Variants in SH3BP2 observed in about 807,000 individuals in gnomAD.
SH3BP2 encodes SH3 domain-binding protein 2.
Under a neutral mutation model 56.2 loss-of-function variants are expected in SH3BP2, and 38 were observed. The ratio of observed to expected loss-of-function variants is 0.68; its 90% CI spans 0.52 to 0.89. The LOEUF is 0.89. SH3BP2 is among the 40% of genes least tolerant of loss of function. SH3BP2 has a pLI of 0.00. For synonymous variants in SH3BP2, 346 were observed against 316.7 expected (o/e 1.09, Z -0.98); for missense variants, 748 against 762.6 (o/e 0.98, Z 0.23).
chr4:2,824,937 C>T, intron 4 of SH3BP2, 189 bp from the exon 5 acceptor site: 1 of 681,880 alleles, frequency 1.5e-6, no homozygotes, highest in Non-Finnish European at 2.6e-6. Flanking sequence ...AGCGCCCACA[C>T]AAGGAACATG....
chr4:2,822,605 G>A (rs1724368354), intron 2 of SH3BP2, among the ~76,000 whole-genome samples: 1 of 152,240 alleles, frequency 6.6e-6, no homozygotes, highest in South Asian at 2.1e-4. Context: ...CAAGTCAGCT[G>A]TGGCCTCCCT....
rs1484027719 is a variant in SH3BP2, at chr4:2,824,678, G to T, written c.305G>T (p.Ser102Ile). 6.2e-7 allele frequency: 1 copy of T among 1,613,874 alleles called. No individual in the cohort carries two copies. The highest frequency in any genetic ancestry group is 1.3e-5 in the African/African-American group (1 of 74,926). ...TTCCCCTTCAAGATCATCCATATCAGCAAGAAGCACCGCACGTGGTTCTTC... is the reference window on the plus strand; with the variant it reads ...TTCCCCTTCAAGATCATCCATATCATCAAGAAGCACCGCACGTGGTTCTTC... ...NVFPFKIIHI[S>I]KKHRTWFFSA... The change falls in exon 4 of 13, where the codon AGC becomes ATC. Residue 102 changes from serine to isoleucine, a missense_variant. Around this residue, in one of 3 missense-constraint regions of SH3BP2, gnomAD observed 9 missense variants for 24.4 expected, o/e 0.37. Transcript: ENST00000503393.
chr4:2,829,342 G>C lies in SH3BP2; in HGVS notation c.587-151G>C. On this transcript the variant is annotated intron_variant, in intron 7 of 12. Coordinates refer to ENST00000503393, the MANE Select transcript of SH3BP2 (RefSeq NM_001122681.2). The surrounding 1 kb of genome is among the most constrained non-coding windows in gnomAD (Gnocchi z 4.9). Reference sequence around the variant, plus strand: ...TGGGACCCTGGGGAAGGCAGGATGGGAGTGCTGGGTGCTGGGCTGCTGGGT... The same window carrying C: ...TGGGACCCTGGGGAAGGCAGGATGGCAGTGCTGGGTGCTGGGCTGCTGGGT... 1.3e-6 allele frequency: 1 copy of C among 746,276 alleles called. No individual in the cohort carries two copies. Among genetic ancestry groups the C allele is most frequent in the Non-Finnish European group, 2.3e-6 (1 of 433,856 alleles). 46.2% of individuals were successfully genotyped at this position (746,276 alleles called of 1,614,324 possible).
intron 5 of SH3BP2, chr4:2,826,187 C>A (rs76443851): frequency 0.013 from 2,072 of 156,212 alleles, 54 homozygotes; most frequent in African/African-American, 0.048. Flanking sequence ...GGCACCACAG[C>A]CTCCAGTTCT....
At chr4:2,818,430 G>T in intron 1 of SH3BP2, 1 of 1,103,270 alleles carries the variant, frequency 9.1e-7, no homozygotes, top group Non-Finnish European at 1.1e-6. Context: ...CGGGACCCGG[G>T]CCGCGAGCTT....
In SH3BP2 at chr4:2,829,377, G is replaced by A. The variant is rs112527564; in HGVS notation, c.587-116G>A. 236 of 1,080,252 alleles carry A rather than the reference G, an allele frequency of 2.2e-4. No individual in the cohort carries two copies. The African/African-American group carries it at 3.1e-3, about 14-fold the overall frequency. 66.9% of individuals were successfully genotyped at this position (1,080,252 alleles called of 1,614,324 possible). A position where few individuals can be genotyped will look rare whatever the true frequency, so the allele number is the denominator to read the frequency against. ...TGCTGGGCTGCTGGGTGGGCAGGCT[G>A]TGGGGTGGGCCTACCATGGGTTGCA... On this transcript the variant is annotated intron_variant, in intron 7 of 12. Coordinates refer to ENST00000503393, the MANE Select transcript of SH3BP2 (RefSeq NM_001122681.2). This position sits in a 1 kb window ranked among gnomAD's most constrained non-coding sequence, Gnocchi z 4.9.
intron 4 of SH3BP2, 33 bp downstream of exon 4, chr4:2,824,763 A>G: frequency 6.6e-7 from 1 of 1,507,570 alleles, no homozygotes; most frequent in South Asian, 1.1e-5. Context: ...GTGCAAGGTG[A>G]CTGGGGGTGT....
At chr4:2,827,171 A>C in intron 5 of SH3BP2, 59 bp from the exon 6 acceptor site, 1 of 1,407,504 alleles carries the variant, frequency 7.1e-7, no homozygotes, top group East Asian at 2.3e-5. Context: ...TTGTGTGAGC[A>C]TCAAGGGACC....
At chr4:2,812,039 T>G (rs1420783196) in intron 1 of SH3BP2, 2 of 550,880 alleles carry the variant, frequency 3.6e-6, no homozygotes, top group East Asian at 1.1e-4. Context: ...GCAGGGAGCT[T>G]CCTCCCAGGG....
intron 1 of SH3BP2, chr4:2,796,308 C>T (rs765109326): frequency 6.6e-6 from 4 of 603,410 alleles, no homozygotes; most frequent in Non-Finnish European, 6.2e-6. Context: ...GACAGGAGTT[C>T]GAGGTGGTGC....
intron 1 of SH3BP2, chr4:2,818,737 C>T: frequency 3.0e-6 from 3 of 990,264 alleles, no homozygotes; most frequent in Non-Finnish European, 3.6e-6. Flanking sequence ...GGTTGGGGGT[C>T]CTGCGGCTGG....
At position 2,836,402 on chromosome 4, in the gene SH3BP2, C is replaced by G. The variant is rs538856526; in HGVS notation, c.*2568C>G. The G allele has an allele frequency of 6.6e-6, 1 of 152,356 alleles. No homozygotes were observed. The highest frequency in any genetic ancestry group is 6.5e-5 in the Admixed American group (1 of 15,304). 9.4% of individuals were successfully genotyped at this position (152,356 alleles called of 1,614,324 possible). A position where few individuals can be genotyped will look rare whatever the true frequency, so the allele number is the denominator to read the frequency against. Reference sequence around the variant, plus strand: ...TGGGATTACCATTTACTGACCACATCTGTGAGGTGCCGAGCTGGGTGCTTG... The same window carrying G: ...TGGGATTACCATTTACTGACCACATGTGTGAGGTGCCGAGCTGGGTGCTTG... On this transcript the variant is annotated 3_prime_UTR_variant, in exon 13 of 13. Coordinates refer to ENST00000503393, the MANE Select transcript of SH3BP2 (RefSeq NM_001122681.2).
intron 1 of SH3BP2, among the ~76,000 whole-genome samples, chr4:2,797,764 C>A (rs1260213674): frequency 6.6e-6 from 1 of 152,196 alleles, no homozygotes; most frequent in Non-Finnish European, 1.5e-5. Context: ...AGCCCATGCC[C>A]TGGTGGTGCC....
intron 1 of SH3BP2, chr4:2,818,840 G>C (rs1385785101): frequency 3.0e-6 from 3 of 985,994 alleles, no homozygotes; most frequent in Non-Finnish European, 3.6e-6. Context: ...GCCGAGGCCG[G>C]CAGAAGACAG....
Position 2,829,408 on chromosome 4 carries a change from G to A in SH3BP2, c.587-85G>A. The stretch of plus-strand genomic sequence containing the variant: ...TGGGCCTACCATGGGTTGCACTCCT[G>A]GTTGGCCTGGCTGACCACTGCCAGC... On this transcript the variant is annotated intron_variant, in intron 7 of 12. Coordinates refer to ENST00000503393, the MANE Select transcript of SH3BP2 (RefSeq NM_001122681.2). The surrounding 1 kb of genome is among the most constrained non-coding windows in gnomAD (Gnocchi z 4.9). The A allele has an allele frequency of 6.8e-7, 1 of 1,473,658 alleles. No individual in the cohort carries two copies. The highest frequency in any genetic ancestry group is 9.5e-7 in the Non-Finnish European group (1 of 1,053,846). 91.3% of individuals were successfully genotyped at this position (1,473,658 alleles called of 1,614,324 possible).
rs138650494 is a variant in SH3BP2, at chr4:2,814,143, C to A, written c.-4-6471C>A. Among the ~76,000 whole-genome samples, 283 of 152,364 alleles carry A rather than the reference C, an allele frequency of 1.9e-3. 1 individual carries two copies. The East Asian group carries it at 0.029, about 15-fold the overall frequency. ...GCAGGGGCTCACGCCTGTGTGCATG[C>A]GAGCTGTGCAGCTCATGTGCACGTC... On this transcript the variant is annotated intron_variant, in intron 1 of 12. Coordinates refer to ENST00000503393, the MANE Select transcript of SH3BP2 (RefSeq NM_001122681.2).
In SH3BP2 at chr4:2,833,429, G is replaced by A. The variant is rs552327730; in HGVS notation, c.1549-268G>A. The A allele has an allele frequency of 8.3e-4, 487 of 588,918 alleles. 5 individuals are homozygous for A. Among genetic ancestry groups the A allele is most frequent in the South Asian group, 4.8e-3 (245 of 50,842 alleles). 36.5% of individuals were successfully genotyped at this position (588,918 alleles called of 1,614,324 possible). A position where few individuals can be genotyped will look rare whatever the true frequency, so the allele number is the denominator to read the frequency against. ...GCTGGGATTACAGGCGTGGGCCACC[G>A]TGCCTGGCCTAGGTTCATTTCCTGA... On this transcript the variant is annotated intron_variant, in intron 12 of 12. Coordinates refer to ENST00000503393, the MANE Select transcript of SH3BP2 (RefSeq NM_001122681.2).
chr4:2,822,910 T>G, intron 2 of SH3BP2, 25 bp from the exon 3 acceptor site: 1 of 1,597,576 alleles, frequency 6.3e-7, no homozygotes, highest in Non-Finnish European at 8.6e-7. Flanking sequence ...CAGGCTCACC[T>G]TCCTGCCCTT....
chr4:2,830,024 T>C lies in SH3BP2; in HGVS notation c.1118T>C (p.Met373Thr), dbSNP rs1349531722. The C allele has an allele frequency of 6.2e-7, 1 of 1,612,868 alleles. No individual in the cohort carries two copies. Among genetic ancestry groups the C allele is most frequent in the Non-Finnish European group, 8.5e-7 (1 of 1,179,948 alleles). The change falls in exon 8 of 13, where the codon ATG becomes ACG. Residue 373 changes from methionine (M) to threonine (T), a missense_variant. Met to Thr is a moderately conservative substitution (Grantham distance 81). Around this residue, in one of 3 missense-constraint regions of SH3BP2, gnomAD observed 635 missense variants for 615.0 expected, o/e 1.03. Transcript: ENST00000503393. ...AEEDPPREAA[M>T]PGLFVPPVAP... ...GAGGACCCCCCAAGGGAGGCAGCCA[T>C]GCCCGGACTCTTTGTGCCCCCCGTG...
Sources: allele counts gnomAD v4.1 joint callset (sites outside exome capture counted in the v4.1 genomes callset), GRCh38; gene constraint gnomAD v4.1.1; regional missense constraint gnomAD v4.1.1; non-coding constraint Gnocchi (gnomAD v3.1); transcripts MANE v1.5; gene names NCBI Gene and HGNC (gene_info 2026-07-23, HGNC 2026-07-21).